Variants in ERBB3 observed in about 807,000 individuals in gnomAD.
ERBB3 encodes the protein receptor tyrosine-protein kinase erbB-3.
A neutral mutation model predicts 156.7 loss-of-function variants in ERBB3; 96 were observed. The ratio of observed to expected loss-of-function variants is 0.61; its 90% CI spans 0.52 to 0.73. The LOEUF is 0.73. Ranked by LOEUF, ERBB3 falls within the 30% of genes least tolerant of loss-of-function variation. The probability of loss-of-function intolerance (pLI) is 0.00; values close to 1 mark genes in which losing one functional copy is unlikely to be tolerated. For synonymous variants in ERBB3, 567 were observed against 632.0 expected (o/e 0.90, Z 1.54); for missense variants, 1,406 against 1,709.4 (o/e 0.82, Z 3.13).
At chr12:56,100,447 G>A (rs1330041139) in intron 26 of ERBB3, 1 of 600,410 alleles carries the variant, frequency 1.7e-6, no homozygotes, top group Non-Finnish European at 3.0e-6. Flanking sequence ...TTTGAGACCA[G>A]CCTGGCCAAC....
intron 1 of ERBB3, 197 bp from the exon 2 acceptor site, chr12:56,083,554 G>T: frequency 1.5e-6 from 1 of 646,612 alleles, no homozygotes. Flanking sequence ...GAATGGTAAG[G>T]GGATTCTGAG....
chr12:56,097,515 C>T (rs1868927533), intron 20 of ERBB3, among the ~76,000 whole-genome samples: 1 of 152,204 alleles, frequency 6.6e-6, no homozygotes, highest in African/African-American at 2.4e-5. Context: ...AGGAGCTTGA[C>T]TTCTATTGTG....
rs1450684293 is a variant in ERBB3 at position 56,094,403 on chromosome 12, G to T, written c.1706G>T (p.Gly569Val). 6.2e-7 allele frequency: 1 copy of T among 1,614,110 alleles called. No homozygotes were observed. The highest frequency in any genetic ancestry group is 1.3e-5 in the African/African-American group (1 of 75,012). ...CCTGACCTTCTCTCTTCCACTCAGG[G>T]CTCTGATACTTGTGCTCAATGTGCC... ...MEGTATCNGS[G>V]SDTCAQCAHF... The change falls in exon 15 of 28, where the codon GGC (glycine) becomes GTC (valine). Residue 569 changes from glycine to valine, a missense_variant and splice_region_variant. Gly to Val is a moderately radical substitution (Grantham distance 109). Around this residue, in one of 3 missense-constraint regions of ERBB3, gnomAD observed 979 missense variants for 1,219.6 expected, o/e 0.80. Transcript: ENST00000267101.
rs1331679049 is a variant in ERBB3 at position 56,095,645 on chromosome 12, G to T, written c.1914-20G>T. On this transcript the variant is annotated intron_variant, in intron 16 of 27. Transcript: ENST00000267101. Reference sequence around the variant, plus strand: ...AAGATGCAAACCCAGGATAATGTTGGGTTTCTATATATCCCATAGCAAAAC... The same window carrying T: ...AAGATGCAAACCCAGGATAATGTTGTGTTTCTATATATCCCATAGCAAAAC... 1.9e-6 allele frequency: 3 copies of T among 1,613,856 alleles called. No homozygotes were observed. The highest frequency in any genetic ancestry group is 2.5e-6 in the Non-Finnish European group (3 of 1,179,798).
chr12:56,086,800 C>G (rs2136791843), intron 4 of ERBB3, 144 bp downstream of exon 4: 1 of 864,336 alleles, frequency 1.2e-6, no homozygotes, highest in East Asian at 2.5e-5. Flanking sequence ...CCCACCAGGG[C>G]AGACCATTCC....
At position 56,102,821 on chromosome 12, in the gene ERBB3, A is replaced by AC. The variant is rs1555212761; in HGVS notation, c.*766_*767insC. The stretch of plus-strand genomic sequence containing the variant: ...CCCATCTCTTTAAAAAAAAAAAAAA[A>AC]AAAAAAAAAAAAACTTTAGAACTGG... On this transcript the variant is annotated 3_prime_UTR_variant, in exon 28 of 28. Transcript: ENST00000267101. 3.3e-5 allele frequency: 7 copies of AC among 214,734 alleles called. No individual in the cohort carries two copies. Among genetic ancestry groups the AC allele is most frequent in the East Asian group, 1.4e-4 (2 of 14,798 alleles). The allele number at this position is 214,734 out of a possible 1,614,324, so 13.3% of individuals were successfully genotyped here. A position where few individuals can be genotyped will look rare whatever the true frequency, so the allele number is the denominator to read the frequency against.
intron 17 of ERBB3, chr12:56,096,128 C>G (rs189413187): frequency 2.0e-6 from 1 of 509,242 alleles, no homozygotes; most frequent in African/African-American, 1.9e-5. Flanking sequence ...AACATTTGTC[C>G]TTCCAGGATG....
intron 16 of ERBB3, 171 bp downstream of exon 16, chr12:56,095,481 A>C: frequency 1.1e-6 from 1 of 905,906 alleles, no homozygotes; most frequent in Non-Finnish European, 1.8e-6. Flanking sequence ...TCCCTTCCTA[A>C]AATTAACTTT....
In ERBB3 at chr12:56,097,841, C is replaced by G. The variant is rs558851810; in HGVS notation, c.2517C>G (p.Asn839Lys). The G allele has an allele frequency of 6.2e-7, 1 of 1,614,018 alleles. No individual in the cohort carries two copies. Among genetic ancestry groups the G allele is most frequent in the Non-Finnish European group, 8.5e-7 (1 of 1,180,008 alleles). The change falls in exon 21 of 28, where the codon AAC becomes AAG. Residue 839 changes from asparagine to lysine, a missense_variant. By Grantham distance (94) the Asn-to-Lys change is moderately conservative (BLOSUM62 0). Transcript: ENST00000267101. ...TGCATAGAAACCTGGCTGCCCGAAA[C>G]GTGCTACTCAAGTCACCCAGTCAGG... is the stretch of plus-strand genomic sequence containing the variant. ...GMVHRNLAAR[N>K]VLLKSPSQVQ...
rs746368473 is a variant in ERBB3 at position 56,086,545 on chromosome 12, G to A, written c.436G>A (p.Gly146Ser). ...CCCTACCTCAGAGATTCTGTCAGGGGGTGTTTATATTGAGAAGAACGATAA... is the reference window on the plus strand; with the variant it reads ...CCCTACCTCAGAGATTCTGTCAGGGAGTGTTTATATTGAGAAGAACGATAA... ...LTQLTEILSG[G>S]VYIEKNDKLC... The change falls in exon 4 of 28, where the codon GGT becomes AGT. Residue 146 changes from glycine (G) to serine (S), a missense_variant. Transcript: ENST00000267101. The A allele has an allele frequency of 6.2e-7, 1 of 1,614,120 alleles. No homozygotes were observed. The highest frequency in any genetic ancestry group is 8.5e-7 in the Non-Finnish European group (1 of 1,180,000).
At position 56,101,995 on chromosome 12, in the gene ERBB3, T is replaced by G; in HGVS notation, c.3969T>G (p.Phe1323Leu). ...LRSLEATDSA[F>L]DNPDYWHSRL... ...GCTTAGAGGCTACAGACTCTGCCTT[T>G]GATAACCCTGATTACTGGCATAGCA... Residue 1323 changes from phenylalanine to leucine, a missense_variant, in exon 28 of 28, where the codon TTT becomes TTG. Coordinates refer to ENST00000267101, the MANE Select transcript of ERBB3 (RefSeq NM_001982.4). The G allele has an allele frequency of 6.2e-7, 1 of 1,613,610 alleles. No individual in the cohort carries two copies. Among genetic ancestry groups the G allele is most frequent in the Middle Eastern group, 1.6e-4 (1 of 6,062 alleles).
chr12:56,088,701 C>T (rs1435944850), intron 8 of ERBB3, 45 bp downstream of exon 8: 4 of 1,614,156 alleles, frequency 2.5e-6, no homozygotes, highest in East Asian at 2.2e-5. Context: ...AGCCTTTCCT[C>T]TGAGCCTGCG....
At position 56,095,703 on chromosome 12, in the gene ERBB3, G is replaced by C; in HGVS notation, c.1952G>C (p.Gly651Ala). ...HLTMALTVIA[G>A]LVVIFMMLGG... ...ACAATGGCTTTGACAGTGATAGCAG[G>C]ATTGGTAGTGATTTTCATGATGCTG... Residue 651 changes from glycine to alanine, a missense_variant, in exon 17 of 28, where the codon GGA becomes GCA. Around this residue, in one of 3 missense-constraint regions of ERBB3, gnomAD observed 979 missense variants for 1,219.6 expected, o/e 0.80. Transcript: ENST00000267101. The C allele has an allele frequency of 6.2e-7, 1 of 1,614,174 alleles. No individual in the cohort carries two copies. The highest frequency in any genetic ancestry group is 8.5e-7 in the Non-Finnish European group (1 of 1,180,026).
At chr12:56,101,409 TC>T (rs869077355) in intron 27 of ERBB3, 48 bp downstream of exon 27, 2 of 1,606,144 alleles carry the variant, frequency 1.2e-6, no homozygotes. Context: ...TCGAATTCTT[TC>T]CCCGGGCTCC....
chr12:56,095,547 A>T (rs1237502361), intron 16 of ERBB3, 118 bp from the exon 17 acceptor site: 51 of 1,236,572 alleles, frequency 4.1e-5, no homozygotes, highest in Non-Finnish European at 5.9e-5. Context: ...TTAAGGATAT[A>T]TATGTGAATG....
chr12:56,089,751 A>G (rs36035578), intron 9 of ERBB3, among the ~76,000 whole-genome samples: 11,978 of 151,914 alleles, frequency 0.079, 499 homozygotes, highest in African/African-American at 0.096. Flanking sequence ...CTCAAAAAAA[A>G]AAAAGAAAAG....
rs1476037377 is a variant in ERBB3 at position 56,085,082 on chromosome 12, A to G, written c.322A>G (p.Thr108Ala). The G allele has an allele frequency of 6.2e-7, 1 of 1,613,968 alleles. No individual in the cohort carries two copies. The highest frequency in any genetic ancestry group is 8.5e-7 in the Non-Finnish European group (1 of 1,179,994). Residue 108 changes from threonine to alanine, a missense_variant, in exon 3 of 28, where the codon ACC (threonine) becomes GCC (alanine). Thr to Ala is a moderately conservative substitution (Grantham distance 58). This residue lies in a region of ERBB3 where 979 missense variants were observed against 1,219.6 expected (regional missense o/e 0.80). Transcript: ENST00000267101. ...PLPNLRVVRG[T>A]QVYDGKFAIF... ...GCCCAACCTCCGCGTGGTGCGAGGG[A>G]CCCAGGTCTACGATGGGAAGTTTGC... is the stretch of plus-strand genomic sequence containing the variant.
intron 9 of ERBB3, among the ~76,000 whole-genome samples, chr12:56,089,616 A>G (rs1868603253): frequency 6.6e-6 from 1 of 151,962 alleles, no homozygotes; most frequent in Admixed American, 6.6e-5. Flanking sequence ...GGTGGTGCAC[A>G]TGCCTGTAAT....
chr12:56,089,751 AAAAAG>A (rs946904979), intron 9 of ERBB3, among the ~76,000 whole-genome samples: 12 of 151,926 alleles, frequency 7.9e-5, no homozygotes, highest in Non-Finnish European at 1.3e-4. Flanking sequence ...CTCAAAAAAA[AAAAAG>A]AAAAGAAAAG....
Sources: gnomAD v4.1 joint callset for allele counts (sites outside exome capture counted in the v4.1 genomes callset) on GRCh38, gnomAD v4.1.1 for gene constraint, gnomAD v4.1.1 regional missense constraint, MANE v1.5 for transcripts, NCBI Gene and HGNC (gene_info 2026-07-23, HGNC 2026-07-21) for gene names.